SCAPER: variants seen among roughly 807,000 people sequenced by gnomAD.
The protein encoded by SCAPER is S phase cyclin A-associated protein in the endoplasmic reticulum.
SCAPER carries 98 observed loss-of-function variants against 182.2 expected under a neutral mutation model. The observed-to-expected ratio is 0.54, with a 90% CI of 0.46 to 0.64. The LOEUF (loss-of-function observed/expected upper bound fraction) is 0.64, where lower values mean the gene tolerates loss of function less well. SCAPER is among the 30% of genes least tolerant of loss of function. The pLI, the probability that SCAPER is intolerant of heterozygous loss-of-function variation, is 0.00. For missense variants in SCAPER, 1,432 were observed against 1,690.0 expected (o/e 0.85, Z 2.68); for synonymous variants, 605 against 564.6 (o/e 1.07, Z -1.01).
chr15:76,380,743 T>C (rs2042889351), intron 28 of SCAPER: 3 of 152,070 alleles, frequency 2.0e-5, no homozygotes, highest in African/African-American at 4.8e-5. Flanking sequence ...AAAAAAAAAA[T>C]CTGTTTCCAG....
intron 18 of SCAPER, 79 bp downstream of exon 18, chr15:76,705,823 AT>A (rs1598278577): frequency 5.4e-6 from 5 of 931,314 alleles, no homozygotes; most frequent in East Asian, 2.7e-5. Context: ...AATTAATTCA[AT>A]TTTTTTCCTA....
At chr15:76,848,133 G>T (rs149116135) in intron 4 of SCAPER, among the ~76,000 whole-genome samples, 8 of 148,238 alleles carry the variant, frequency 5.4e-5, no homozygotes, top group African/African-American at 1.0e-4. Flanking sequence ...TCAGCCTCCC[G>T]AGTAGCTGGG....
At chr15:76,587,467 T>A (rs536164551) in intron 22 of SCAPER, among the ~76,000 whole-genome samples, 1 of 152,304 alleles carries the variant, frequency 6.6e-6, no homozygotes, top group Admixed American at 6.5e-5. Flanking sequence ...CCCAGAGATT[T>A]TGATAGGCTG....
chr15:76,720,795 GT>G lies in SCAPER; in HGVS notation c.2165+7799del, dbSNP rs897289187. On this transcript the variant is annotated intron_variant, in intron 17 of 31. Coordinates refer to ENST00000563290, the MANE Select transcript of SCAPER (RefSeq NM_020843.4). ...GGGGTTGTTTTTTTCCTGTAAATTT[GT>G]TTGAGTTCATTGTAGATTCTGGATA... Among the ~76,000 whole-genome samples the G allele has an allele frequency of 2.6e-4, 40 of 152,202 alleles. No individual in the cohort carries two copies. The South Asian group carries it at 3.3e-3, about 13-fold the overall frequency.
At position 76,600,867 on chromosome 15, in the gene SCAPER, A is replaced by G. The variant is rs2049883702; in HGVS notation, c.2711+20897T>C. ...CTATGAAAACACAGTAAGAAGGATAAAAGAAGAAATGAAGTCAAAGTGAAA... is the reference window on the plus strand; with the variant it reads ...CTATGAAAACACAGTAAGAAGGATAGAAGAAGAAATGAAGTCAAAGTGAAA... On this transcript the variant is annotated intron_variant, in intron 22 of 31. Transcript: ENST00000563290. 1.6e-5 allele frequency among the ~76,000 whole-genome samples: 2 copies of G among 122,076 alleles called. 1 individual carries two copies. The highest frequency in any genetic ancestry group is 1.9e-4 in the Admixed American group (2 of 10,712). The allele number at this position is 122,076 out of a possible 152,430, so 80.1% of individuals were successfully genotyped here. A position where few individuals can be genotyped will look rare whatever the true frequency, so the allele number is the denominator to read the frequency against.
chr15:76,544,521 A>G (rs934648295), intron 23 of SCAPER, among the ~76,000 whole-genome samples: 2 of 152,220 alleles, frequency 1.3e-5, no homozygotes, highest in Admixed American at 1.3e-4. Context: ...TATAATGTAG[A>G]TGAGCCTTGA....
At chr15:76,746,291 C>T (rs781071148) in intron 15 of SCAPER, among the ~76,000 whole-genome samples, 8 of 152,210 alleles carry the variant, frequency 5.3e-5, no homozygotes, top group Non-Finnish European at 8.8e-5. Context: ...ATGCTGAAGT[C>T]CCTTACAGTT....
At chr15:76,610,275 A>C (rs920215765) in intron 22 of SCAPER, among the ~76,000 whole-genome samples, 1 of 152,110 alleles carries the variant, frequency 6.6e-6, no homozygotes, top group Non-Finnish European at 1.5e-5. Flanking sequence ...CCAGCCAGCT[A>C]CCACCATGCA....
intron 15 of SCAPER, among the ~76,000 whole-genome samples, chr15:76,748,179 G>A (rs993358899): frequency 2.6e-5 from 4 of 151,794 alleles, no homozygotes; most frequent in Admixed American, 6.6e-5. Flanking sequence ...TAGTAGAGAC[G>A]GGGTTTCTCC....
chr15:76,610,570 C>T (rs1055340274), intron 22 of SCAPER, among the ~76,000 whole-genome samples: 7 of 152,058 alleles, frequency 4.6e-5, no homozygotes, highest in Non-Finnish European at 8.8e-5. Flanking sequence ...TATTAATATA[C>T]AAATTCAGTA....
intron 5 of SCAPER, among the ~76,000 whole-genome samples, 154 bp downstream of exon 5, chr15:76,841,580 G>A (rs2069483142): frequency 6.6e-6 from 1 of 152,130 alleles, no homozygotes; most frequent in Non-Finnish European, 1.5e-5. Context: ...CTGGGAGGCA[G>A]AGGTTGTAAT....
At chr15:76,637,352 T>C (rs1387422749) in intron 21 of SCAPER, among the ~76,000 whole-genome samples, 1 of 152,170 alleles carries the variant, frequency 6.6e-6, no homozygotes, top group Admixed American at 6.5e-5. Context: ...GATGCACCAC[T>C]TTACATTCCT....
intron 4 of SCAPER, among the ~76,000 whole-genome samples, chr15:76,856,122 A>G (rs2071342429): frequency 6.6e-6 from 1 of 152,192 alleles, no homozygotes; most frequent in Admixed American, 6.5e-5. Context: ...ATTTTGCTGG[A>G]ACATGAATGG....
chr15:76,693,536 T>A (rs1161396790), intron 20 of SCAPER, among the ~76,000 whole-genome samples: 1 of 152,146 alleles, frequency 6.6e-6, no homozygotes, highest in African/African-American at 2.4e-5. Context: ...GTATAACCCA[T>A]GTTCATAGCA....
Position 76,705,000 on chromosome 15 carries a change from G to C in SCAPER, c.2247+903C>G, listed in dbSNP as rs181310375. On this transcript the variant is annotated intron_variant, in intron 18 of 31. Transcript: ENST00000563290. Reference sequence around the variant, plus strand: ...GAAGTCAGTGTGGCGATTCCTCAGGGATCTAGAACTAGAAATACCATTTGA... The same window carrying C: ...GAAGTCAGTGTGGCGATTCCTCAGGCATCTAGAACTAGAAATACCATTTGA... Among the ~76,000 whole-genome samples, 38 of 152,240 alleles carry C rather than the reference G, an allele frequency of 2.5e-4. No homozygotes were observed. In the East Asian group the frequency reaches 2.7e-3, roughly 11 times the overall value.
chr15:76,540,893 C>T (rs1015243592), intron 23 of SCAPER, among the ~76,000 whole-genome samples: 7 of 151,806 alleles, frequency 4.6e-5, no homozygotes, highest in African/African-American at 1.2e-4. Context: ...GAGGCTGAGG[C>T]GGTTAGATCA....
intron 26 of SCAPER, among the ~76,000 whole-genome samples, chr15:76,411,597 A>C (rs1294311540): frequency 6.6e-6 from 1 of 152,148 alleles, no homozygotes; most frequent in Non-Finnish European, 1.5e-5. Flanking sequence ...TCCATGGGAA[A>C]GTCTTTTTGT....
intron 17 of SCAPER, among the ~76,000 whole-genome samples, chr15:76,727,752 TAAAG>T (rs1160146323): frequency 6.6e-6 from 1 of 150,952 alleles, no homozygotes; most frequent in African/African-American, 2.4e-5. Context: ...AAAAACATCA[TAAAG>T]AAAGAAAAAA....
intron 25 of SCAPER, 30 bp downstream of exon 25, chr15:76,471,182 C>T: frequency 6.4e-7 from 1 of 1,568,354 alleles, no homozygotes; most frequent in Non-Finnish European, 8.6e-7. Context: ...ACCTTAACTG[C>T]TTCTAACTCA....
Sources: gnomAD v4.1 joint callset for allele counts (sites outside exome capture counted in the v4.1 genomes callset) on GRCh38, gnomAD v4.1.1 for gene constraint, MANE v1.5 for transcripts, NCBI Gene and HGNC (gene_info 2026-07-23, HGNC 2026-07-21) for gene names.